Variants in IFT122 observed in about 807,000 individuals in gnomAD.
IFT122 encodes the protein intraflagellar transport protein 122 homolog.
Under a neutral mutation model 161.6 loss-of-function variants are expected in IFT122, and 118 were observed. The ratio of observed to expected loss-of-function variants is 0.73; its 90% CI spans 0.63 to 0.85. The LOEUF (loss-of-function observed/expected upper bound fraction) is 0.85. Among genes scored for constraint, IFT122 ranks in the 40% least tolerant of loss-of-function variants. IFT122 has a pLI of 0.00. For missense variants in IFT122, 1,381 were observed against 1,579.6 expected (o/e 0.87, Z 2.13); for synonymous variants, 550 against 602.4 (o/e 0.91, Z 1.27).
intron 17 of IFT122, among the ~76,000 whole-genome samples, chr3:129,492,535 A>ATAGC (rs2080259646): frequency 6.6e-6 from 1 of 152,144 alleles, no homozygotes; most frequent in African/African-American, 2.4e-5. Context: ...CTGGTGGCGG[A>ATAGC]TAGCTGGTCA....
intron 3 of IFT122, chr3:129,456,210 C>T (rs1266343194): frequency 7.8e-7 from 1 of 1,283,896 alleles, no homozygotes; most frequent in Non-Finnish European, 1.0e-6. Context: ...AAAGCTTATG[C>T]TTTTCATCAC....
At chr3:129,450,716 T>G (rs1395310395) in intron 2 of IFT122, among the ~76,000 whole-genome samples, 2 of 114,590 alleles carry the variant, frequency 1.7e-5, no homozygotes, top group Admixed American at 8.5e-5. Flanking sequence ...TGTGTGTGTT[T>G]TTTTTTTTTT....
At chr3:129,497,240 C>A (rs1365127899) in intron 18 of IFT122, among the ~76,000 whole-genome samples, 1 of 152,132 alleles carries the variant, frequency 6.6e-6, no homozygotes, top group Non-Finnish European at 1.5e-5. Flanking sequence ...TGCATTCCAG[C>A]CTGGGTGACA....
At position 129,495,505 on chromosome 3, in the gene IFT122, C is replaced by G; in HGVS notation, c.2106C>G (p.Tyr702Ter). Residue 702 changes from tyrosine to a stop codon, truncating the protein, a stop_gained, in exon 18 of 30, where the codon TAC (tyrosine) becomes TAG (stop). Coordinates refer to ENST00000348417, the MANE Select transcript of IFT122 (RefSeq NM_052989.3). LOFTEE classifies it high-confidence loss of function. ...NDLFLADVFS[Y>*]QGKFHEAAKL... The stretch of plus-strand genomic sequence containing the variant: ...TGTTTCTGGCAGATGTGTTTTCCTA[C>G]CAGGGGAAGTTCCATGAGGCCGCCA... 1 of 1,614,160 alleles carries G rather than the reference C, an allele frequency of 6.2e-7. No homozygotes were observed. Among genetic ancestry groups the G allele is most frequent in the African/African-American group, 1.3e-5 (1 of 75,024 alleles).
At chr3:129,493,425 T>C (rs2080397055) in intron 17 of IFT122, among the ~76,000 whole-genome samples, 2 of 152,242 alleles carry the variant, frequency 1.3e-5, no homozygotes, top group African/African-American at 4.8e-5. Context: ...CTGTGCCACA[T>C]GCGTGATTTA....
chr3:129,514,518 C>A lies in IFT122; in HGVS notation c.3117C>A (p.Thr1039=). Reference sequence around the variant, plus strand: ...TCCAAAAGTCCATTGAGCTGGGTACCCTGACCATCCGCGCCAAGCCCTTCC... The same window carrying A: ...TCCAAAAGTCCATTGAGCTGGGTACACTGACCATCCGCGCCAAGCCCTTCC... The part of the protein sequence containing the change: ...ARFQKSIELG[T]LTIRAKPFHD... The change falls in exon 25 of 30, where the codon ACC becomes ACA. Residue 1039 remains threonine, a synonymous_variant. Transcript: ENST00000348417. 6.2e-7 allele frequency: 1 copy of A among 1,614,218 alleles called. No homozygotes were observed. The highest frequency in any genetic ancestry group is 8.5e-7 in the Non-Finnish European group (1 of 1,180,038).
chr3:129,507,573 G>A, intron 22 of IFT122, 95 bp from the exon 23 acceptor site: 1 of 938,546 alleles, frequency 1.1e-6, no homozygotes. Flanking sequence ...CTGATGCTGG[G>A]AAAAGTACTG....
chr3:129,517,819 T>C (rs1214414379), intron 27 of IFT122, among the ~76,000 whole-genome samples: 1 of 152,142 alleles, frequency 6.6e-6, no homozygotes, highest in East Asian at 1.9e-4. Context: ...GGCACCTTGG[T>C]CTTCCCGTGT....
rs372497609 is a variant in IFT122, at chr3:129,485,113, T to C, written c.1851+1431T>C. On this transcript the variant is annotated intron_variant, in intron 15 of 29. Transcript: ENST00000348417. ...CAGTCCTACTGGACATGTTTGCTGC[T>C]TATAGCTTTTTTGTATTATTGTAAA... Among the ~76,000 whole-genome samples the C allele has an allele frequency of 1.6e-4, 25 of 152,364 alleles. 1 individual carries two copies. The South Asian group carries it at 5.2e-3, about 32-fold the overall frequency.
chr3:129,519,284 T>C (rs920256997), intron 28 of IFT122, 98 bp downstream of exon 28: 132 of 1,182,724 alleles, frequency 1.1e-4, no homozygotes, highest in Non-Finnish European at 1.5e-4. Context: ...GGAGGAGGAT[T>C]GGCCAGAACT....
intron 11 of IFT122, among the ~76,000 whole-genome samples, chr3:129,477,025 A>C (rs2078034849): frequency 6.6e-6 from 1 of 151,826 alleles, no homozygotes; most frequent in South Asian, 2.1e-4. Flanking sequence ...TCCTCTCTGA[A>C]AAATGTACCA....
chr3:129,506,582 C>T (rs2082212644), intron 22 of IFT122, 33 bp downstream of exon 22: 1 of 1,613,980 alleles, frequency 6.2e-7, no homozygotes, highest in Non-Finnish European at 8.5e-7. Context: ...ACTGTTTTCC[C>T]AAGCCCCACT....
intron 18 of IFT122, among the ~76,000 whole-genome samples, chr3:129,495,933 A>G (rs2080786168): frequency 6.6e-6 from 1 of 152,174 alleles, no homozygotes; most frequent in Non-Finnish European, 1.5e-5. Flanking sequence ...GTCCCCCACA[A>G]ATCCTCTCAA....
Position 129,477,290 on chromosome 3 carries a change from C to A in IFT122, c.1147+489C>A, listed in dbSNP as rs186815568. Among the ~76,000 whole-genome samples the A allele has an allele frequency of 1.2e-3, 182 of 152,250 alleles. 2 individuals are homozygous for A. The highest frequency in any genetic ancestry group is 3.1e-4 in the Non-Finnish European group (21 of 68,026). The stretch of plus-strand genomic sequence containing the variant: ...GTCAGAAGATCAGAGTTCCCGGCCT[C>A]GCATAGTCATTCTAAGCCCTAAGAC... On this transcript the variant is annotated intron_variant, in intron 11 of 29. Transcript: ENST00000348417.
At chr3:129,516,694 GCA>G (rs771398986) in intron 26 of IFT122, among the ~76,000 whole-genome samples, 4,562 of 49,984 alleles carry the variant, frequency 0.091, 297 homozygotes, top group Middle Eastern at 0.17. Context: ...GATTGCTCCT[GCA>G]CACACACACA....
intron 4 of IFT122, 115 bp from the exon 5 acceptor site, chr3:129,461,113 G>A: frequency 1.0e-6 from 1 of 975,064 alleles, no homozygotes; most frequent in Non-Finnish European, 1.7e-6. Context: ...GTCACTTGCA[G>A]AAGAGCATGT....
At position 129,481,585 on chromosome 3, in the gene IFT122, C is replaced by T. The variant is rs1234759630; in HGVS notation, c.1544C>T (p.Thr515Ile). 10 of 1,583,558 alleles carry T rather than the reference C, an allele frequency of 6.3e-6. No homozygotes were observed. Among genetic ancestry groups the T allele is most frequent in the Non-Finnish European group, 7.8e-6 (9 of 1,152,226 alleles). ...GCTATCGTCCTGCTGAAGCAGGCCA[C>T]AGCTGTGCGCTGCTTGGACATGAGT... Reference protein sequence around the residue: ...LFAIVLLKQATAVRCLDMSAS... With the variant: ...LFAIVLLKQAIAVRCLDMSAS... Residue 515 changes from threonine (T) to isoleucine (I), a missense_variant, in exon 14 of 30, where the codon ACA becomes ATA. Around this residue, in one of 7 missense-constraint regions of IFT122, gnomAD observed 544 missense variants for 648.0 expected, o/e 0.84. Coordinates refer to ENST00000348417, the MANE Select transcript of IFT122 (RefSeq NM_052989.3).
chr3:129,508,674 A>C (rs2082449198), intron 23 of IFT122, among the ~76,000 whole-genome samples: 1 of 152,226 alleles, frequency 6.6e-6, no homozygotes, highest in African/African-American at 2.4e-5. Flanking sequence ...ATAAAAATCC[A>C]TACTTTGGGA....
chr3:129,447,590 G>A (rs1347910394), intron 1 of IFT122, among the ~76,000 whole-genome samples: 8 of 152,154 alleles, frequency 5.3e-5, no homozygotes, highest in East Asian at 3.8e-4. Flanking sequence ...TCGGCTCACT[G>A]CAACCTCTGT....
Sources: gnomAD v4.1 joint callset for allele counts (sites outside exome capture counted in the v4.1 genomes callset) on GRCh38, gnomAD v4.1.1 for gene constraint, gnomAD v4.1.1 regional missense constraint, MANE v1.5 for transcripts, NCBI Gene and HGNC (gene_info 2026-07-23, HGNC 2026-07-21) for gene names.